PTPRM: variants seen among roughly 807,000 people sequenced by gnomAD.
PTPRM encodes receptor-type tyrosine-protein phosphatase mu.
A neutral mutation model predicts 186.7 loss-of-function variants in PTPRM; 47 were observed. That is an observed-to-expected ratio of 0.25 (90% CI 0.20 to 0.32). The LOEUF is 0.32. Among genes scored for constraint, PTPRM ranks in the 10% least tolerant of loss-of-function variants. PTPRM has a pLI of 1.00. For synonymous variants in PTPRM, 668 were observed against 674.9 expected (o/e 0.99, Z 0.16); for missense variants, 1,494 against 1,865.0 (o/e 0.80, Z 3.66).
intron 14 of PTPRM, among the ~76,000 whole-genome samples, chr18:8,202,004 C>G (rs2093865090): frequency 6.6e-6 from 1 of 152,208 alleles, no homozygotes; most frequent in African/African-American, 2.4e-5. Flanking sequence ...TGTTTACTGA[C>G]TTCATTGTGC....
intron 7 of PTPRM, among the ~76,000 whole-genome samples, chr18:8,051,926 A>T (rs1293746165): frequency 6.6e-6 from 1 of 152,196 alleles, no homozygotes; most frequent in South Asian, 2.1e-4. Flanking sequence ...CATATCTTTT[A>T]AAATCCATTT....
chr18:8,396,410 C>T (rs1200684486), intron 32 of PTPRM, among the ~76,000 whole-genome samples: 1 of 152,186 alleles, frequency 6.6e-6, no homozygotes, highest in African/African-American at 2.4e-5. Context: ...CTGAATTAAG[C>T]ACATCATTAG....
chr18:7,821,569 A>G (rs909223477), intron 2 of PTPRM, among the ~76,000 whole-genome samples: 5 of 152,192 alleles, frequency 3.3e-5, no homozygotes, highest in Non-Finnish European at 7.3e-5. Context: ...TTTTTTTCCT[A>G]TGCATATATA....
chr18:8,096,631 C>G (rs561044565), intron 11 of PTPRM, among the ~76,000 whole-genome samples: 2 of 152,296 alleles, frequency 1.3e-5, no homozygotes, highest in South Asian at 4.1e-4. Flanking sequence ...AATGCCTGCA[C>G]TGAACAATAT....
At chr18:7,809,425 A>G (rs1417331928) in intron 2 of PTPRM, among the ~76,000 whole-genome samples, 1 of 151,966 alleles carries the variant, frequency 6.6e-6, no homozygotes, top group Non-Finnish European at 1.5e-5. Context: ...TACCCCTTCC[A>G]TGGTCAGCTG....
intron 1 of PTPRM, among the ~76,000 whole-genome samples, chr18:7,643,791 G>T (rs2038499784): frequency 6.6e-6 from 1 of 152,166 alleles, no homozygotes; most frequent in Admixed American, 6.5e-5. Flanking sequence ...CCGAAGAAAA[G>T]TGGTTAATTT....
At chr18:8,206,591 A>C (rs2093935067) in intron 14 of PTPRM, among the ~76,000 whole-genome samples, 1 of 152,170 alleles carries the variant, frequency 6.6e-6, no homozygotes, top group Non-Finnish European at 1.5e-5. Context: ...TTCCTAAAGT[A>C]ATCCATTCAA....
chr18:7,714,674 A>C (rs1273879527), intron 1 of PTPRM, among the ~76,000 whole-genome samples: 1 of 152,210 alleles, frequency 6.6e-6, no homozygotes, highest in Admixed American at 6.5e-5. Context: ...AATAAAAATG[A>C]TAAAGGGGGT....
chr18:7,891,498 A>G (rs2049078534), intron 3 of PTPRM, among the ~76,000 whole-genome samples: 1 of 152,202 alleles, frequency 6.6e-6, no homozygotes, highest in East Asian at 1.9e-4. Context: ...ATATAAATGT[A>G]CTGGTGACCA....
At chr18:7,878,753 G>GA (rs2048359749) in intron 2 of PTPRM, among the ~76,000 whole-genome samples, 1 of 151,564 alleles carries the variant, frequency 6.6e-6, no homozygotes, top group Admixed American at 6.6e-5. Context: ...TTCACATGTG[G>GA]AAAAAAAAGG....
chr18:7,697,295 C>T (rs543462556), intron 1 of PTPRM, among the ~76,000 whole-genome samples: 12 of 152,288 alleles, frequency 7.9e-5, no homozygotes, highest in East Asian at 5.8e-4. Flanking sequence ...CTGCATACCT[C>T]GGTACCTGGT....
chr18:8,126,080 A>G lies in PTPRM; in HGVS notation c.2167+11253A>G, dbSNP rs1465933521. Among the ~76,000 whole-genome samples, 3 of 139,468 alleles carry G rather than the reference A, an allele frequency of 2.2e-5. No homozygotes were observed. In the East Asian group the frequency reaches 6.6e-4, roughly 31 times the overall value. 91.5% of individuals were successfully genotyped at this position (139,468 alleles called of 152,430 possible). On this transcript the variant is annotated intron_variant, in intron 13 of 32. Transcript: ENST00000580170. ...AAATAAAACAAATCCTAGGTGTTTC[A>G]ACTCACAAAAGCATGAAACAGCATT...
rs73391989 is a variant in PTPRM at position 8,211,745 on chromosome 18, G to A, written c.2301-32313G>A. On this transcript the variant is annotated intron_variant, in intron 14 of 32. Transcript: ENST00000580170. ...CTCATTTTCCTCAATGAAACAGGAA[G>A]CAAGGTCATCAGCTGAGAGTGAAGA... Among the ~76,000 whole-genome samples the A allele has an allele frequency of 9.0e-3, 1,376 of 152,250 alleles. 22 individuals carry two copies. Among genetic ancestry groups the A allele is most frequent in the African/African-American group, 0.031 (1,294 of 41,554 alleles).
intron 1 of PTPRM, among the ~76,000 whole-genome samples, chr18:7,594,025 T>C (rs971670137): frequency 2.0e-5 from 3 of 152,050 alleles, no homozygotes; most frequent in Admixed American, 2.0e-4. Context: ...CCTTGAGGGG[T>C]AGAATTAAGT....
intron 1 of PTPRM, among the ~76,000 whole-genome samples, chr18:7,574,641 A>G (rs1051202456): frequency 6.6e-6 from 1 of 152,250 alleles, no homozygotes. Flanking sequence ...TTCTCAGGAG[A>G]GAACTGGAAG....
intron 1 of PTPRM, among the ~76,000 whole-genome samples, chr18:7,588,867 A>G (rs575342682): frequency 9.2e-5 from 14 of 152,124 alleles, no homozygotes; most frequent in Non-Finnish European, 7.4e-5. Context: ...TCTCTAGTAC[A>G]TTGCTTTACT....
chr18:8,027,361 A>C (rs575142064), intron 7 of PTPRM, among the ~76,000 whole-genome samples: 5 of 152,330 alleles, frequency 3.3e-5, no homozygotes, highest in Admixed American at 6.5e-5. Flanking sequence ...TTCAATTCTT[A>C]TTCCAGAATG....
At chr18:7,935,691 G>A (rs1056647003) in intron 5 of PTPRM, among the ~76,000 whole-genome samples, 1 of 152,136 alleles carries the variant, frequency 6.6e-6, no homozygotes, top group African/African-American at 2.4e-5. Flanking sequence ...TTTTAGGTCA[G>A]AGGGTACACA....
chr18:7,829,812 T>C (rs1364930862), intron 2 of PTPRM, among the ~76,000 whole-genome samples: 1 of 152,324 alleles, frequency 6.6e-6, no homozygotes, highest in Non-Finnish European at 1.5e-5. Flanking sequence ...GTGTTGGGAA[T>C]TGGAATCTCC....
Sources: allele counts gnomAD v4.1 joint callset (sites outside exome capture counted in the v4.1 genomes callset), GRCh38; gene constraint gnomAD v4.1.1; transcripts MANE v1.5; gene names NCBI Gene and HGNC (gene_info 2026-07-23, HGNC 2026-07-21).